Variants in PPCS observed in about 807,000 individuals in gnomAD.
PPCS encodes the protein phosphopantothenoylcysteine synthetase.
Under a neutral mutation model 24.6 loss-of-function variants are expected in PPCS, and 17 were observed. The observed-to-expected ratio is 0.69, with a 90% CI of 0.47 to 1.04. PPCS has a LOEUF of 1.04. Ranked by LOEUF, PPCS falls within the 50% of genes least tolerant of loss-of-function variation. The probability of loss-of-function intolerance (pLI) is 0.00; values close to 1 mark genes in which losing one functional copy is unlikely to be tolerated. For missense variants in PPCS, 360 were observed against 402.8 expected (o/e 0.89, Z 0.91); for synonymous variants, 190 against 168.3 (o/e 1.13, Z -1.00).
chr1:42,459,835 A>G lies in PPCS; in HGVS notation c.845A>G (p.Glu282Gly). 2 of 1,614,198 alleles carry G rather than the reference A, an allele frequency of 1.2e-6. No individual in the cohort carries two copies. The highest frequency in any genetic ancestry group is 1.7e-6 in the Non-Finnish European group (2 of 1,180,032). The change falls in exon 3 of 3, where the codon GAG (glutamate) becomes GGG (glycine). Residue 282 changes from glutamate (E) to glycine (G), a missense_variant. Glu to Gly is a moderately conservative substitution (Grantham distance 98). This residue lies in a region of PPCS where 116 missense variants were observed against 168.1 expected (regional missense o/e 0.69). Transcript: ENST00000372561. ...KDSETKLLLS[E>G]EEIEKGVEIE... The stretch of plus-strand genomic sequence containing the variant: ...TCGGAAACCAAGTTATTGCTATCAG[A>G]GGAAGAAATAGAAAAAGGCGTAGAG...
At chr1:42,463,345 A>C (rs1264993667), downstream of PPCS, 2 of 152,178 alleles carry the variant, frequency 1.3e-5, no homozygotes, top group African/African-American at 4.8e-5. Flanking sequence ...GTAGGGGCCG[A>C]GCGACCCCGG....
chr1:42,467,298 C>T (rs1247590709), intron 2 of PPCS, among the ~76,000 whole-genome samples: 1 of 152,154 alleles, frequency 6.6e-6, no homozygotes, highest in African/African-American at 2.4e-5. Context: ...TGGATGAGGG[C>T]CAGCCTGGCA....
At position 42,456,954 on chromosome 1, in the gene PPCS, A is replaced by C. The variant is rs542795662; in HGVS notation, c.389A>C (p.Glu130Ala). The change falls in exon 1 of 3, where the codon GAG becomes GCG. Residue 130 changes from glutamate to alanine, a missense_variant. Physicochemically the swap from Glu to Ala is moderately radical, Grantham distance 107. This residue lies in a region of PPCS where 244 missense variants were observed against 234.7 expected (regional missense o/e 1.04). Transcript: ENST00000372561. ...GAGAATGCACTTCCGGGTTTTGCTG[A>C]GGCTCTGAGGAGCTACCAGGAGGCT... ...AEENALPGFA[E>A]ALRSYQEAAA... is the part of the protein sequence containing the mutation. 19 of 1,605,216 alleles carry C rather than the reference A, an allele frequency of 1.2e-5. No homozygotes were observed. Among genetic ancestry groups the C allele is most frequent in the East Asian group, 6.7e-5 (3 of 44,870 alleles).
In PPCS at chr1:42,456,543, A is replaced by G. The variant is rs1643187255; in HGVS notation, c.-23A>G. ...GGCGCGGCGGCCGCGAAACGTGCGC[A>G]GGCGCCGGCCGCTGCGCTGCAGATG... is the stretch of plus-strand genomic sequence containing the variant. On this transcript the variant is annotated 5_prime_UTR_variant, in exon 1 of 3. Transcript: ENST00000372561. 2 of 1,448,224 alleles carry G rather than the reference A, an allele frequency of 1.4e-6. No homozygotes were observed. The highest frequency in any genetic ancestry group is 1.8e-6 in the Non-Finnish European group (2 of 1,102,928). The allele number at this position is 1,448,224 out of a possible 1,614,324, so 89.7% of individuals were successfully genotyped here.
intron 2 of PPCS, among the ~76,000 whole-genome samples, chr1:42,469,607 A>G (rs1643699712): frequency 6.6e-6 from 1 of 152,118 alleles, no homozygotes; most frequent in Non-Finnish European, 1.5e-5. Flanking sequence ...AGAAAAGAAA[A>G]TGCTTCCCTA....
Position 42,456,737 on chromosome 1 carries a change from G to C in PPCS, c.172G>C (p.Asp58His), listed in dbSNP as rs775680235. 3.1e-6 allele frequency: 5 copies of C among 1,610,874 alleles called. No individual in the cohort carries two copies. In the Admixed American group the frequency reaches 5.0e-5, roughly 16 times the overall value. The change falls in exon 1 of 3, where the codon GAC becomes CAC. Residue 58 changes from aspartate to histidine, a missense_variant. By Grantham distance (81) the Asp-to-His change is moderately conservative. Coordinates refer to ENST00000372561, the MANE Select transcript of PPCS (RefSeq NM_024664.4). ...PLEARPVRFL[D>H]NFSSGRRGAT... is the part of the protein sequence containing the mutation. ...GGAAGCGCGGCCGGTGCGCTTCCTG[G>C]ACAACTTCAGCAGCGGGCGGCGCGG... is the stretch of plus-strand genomic sequence containing the variant.
rs1287302804 is a variant in PPCS, at chr1:42,457,078, G to A, written c.508+5G>A. On this transcript the variant is annotated splice_donor_5th_base_variant and intron_variant, in intron 1 of 2. Transcript: ENST00000372561. ...CCCAGGCACTCAATCCGCTAGGTGC[G>A]TGCCCTAGGAGTACCCCTTTTGCCT... The A allele has an allele frequency of 3.1e-6, 5 of 1,590,546 alleles. No homozygotes were observed. Among genetic ancestry groups the A allele is most frequent in the Non-Finnish European group, 4.3e-6 (5 of 1,172,754 alleles).
intron 2 of PPCS, chr1:42,459,228 A>G (rs1327253536): frequency 5.5e-6 from 1 of 180,272 alleles, no homozygotes; most frequent in Non-Finnish European, 1.2e-5. Flanking sequence ...AGTGGCATGA[A>G]CACAGCTCAC....
intron 2 of PPCS, among the ~76,000 whole-genome samples, chr1:42,468,055 C>A (rs915237152): frequency 6.6e-6 from 1 of 152,154 alleles, no homozygotes; most frequent in Admixed American, 6.5e-5. Context: ...AGTTCTGTAT[C>A]CAATTCCTGT....
intron 2 of PPCS, among the ~76,000 whole-genome samples, chr1:42,467,424 T>C (rs976462534): frequency 6.6e-6 from 1 of 152,182 alleles, no homozygotes; most frequent in Non-Finnish European, 1.5e-5. Context: ...ATGAAAGAAG[T>C]ACTGCAAATT....
At chr1:42,465,358 T>G (rs1016993812), downstream of PPCS, among the ~76,000 whole-genome samples, 2 of 150,384 alleles carry the variant, frequency 1.3e-5, no homozygotes, top group African/African-American at 5.0e-5. Flanking sequence ...TTTGTTTTTG[T>G]TTTTGTTTTG....
downstream of PPCS, among the ~76,000 whole-genome samples, chr1:42,462,229 A>AGT (rs150466234): frequency 4.6e-5 from 7 of 151,646 alleles, no homozygotes; most frequent in Non-Finnish European, 7.4e-5. Context: ...GGTGGGGGAG[A>AGT]GTGTGTGTGT....
At chr1:42,458,365 A>G (rs1194159881) in intron 2 of PPCS, among the ~76,000 whole-genome samples, 3 of 152,206 alleles carry the variant, frequency 2.0e-5, no homozygotes, top group Non-Finnish European at 2.9e-5. Context: ...TGGAACCTTC[A>G]GGAGTTCTTA....
chr1:42,465,863 G>A (rs11799356), downstream of PPCS, among the ~76,000 whole-genome samples: 59,068 of 152,046 alleles, frequency 0.39, 11,974 homozygotes, highest in East Asian at 0.59. Flanking sequence ...AGTAGTGCCA[G>A]GGTTGAGAAA....
intron 2 of PPCS, among the ~76,000 whole-genome samples, chr1:42,471,858 CAAG>C (rs1326285921): frequency 1.3e-5 from 2 of 150,240 alleles, no homozygotes; most frequent in Admixed American, 6.7e-5. Context: ...ACTTAGCAAT[CAAG>C]GAGAAAAATA....
chr1:42,467,552 G>T (rs1489031622), intron 2 of PPCS, among the ~76,000 whole-genome samples: 1 of 152,162 alleles, frequency 6.6e-6, no homozygotes, highest in Non-Finnish European at 1.5e-5. Flanking sequence ...TAGAGAAGGA[G>T]GAGGGAAAGA....
At chr1:42,467,592 C>T (rs992536012) in intron 2 of PPCS, among the ~76,000 whole-genome samples, 14 of 152,180 alleles carry the variant, frequency 9.2e-5, no homozygotes, top group Non-Finnish European at 1.8e-4. Flanking sequence ...GAGTTGTTCA[C>T]TAGAAAACTG....
intron 2 of PPCS, chr1:42,468,600 C>A (rs1643666168): frequency 6.6e-6 from 1 of 152,234 alleles, no homozygotes; most frequent in Admixed American, 6.5e-5. Context: ...CAGTCTCTGC[C>A]ACACTCACCT....
At chr1:42,465,292 C>T (rs1001959498), downstream of PPCS, among the ~76,000 whole-genome samples, 1 of 152,182 alleles carries the variant, frequency 6.6e-6, no homozygotes, top group Non-Finnish European at 1.5e-5. Context: ...ACCTGGGCTA[C>T]AGAGTGAGAC....
Sources: allele counts gnomAD v4.1 joint callset (sites outside exome capture counted in the v4.1 genomes callset), GRCh38; gene constraint gnomAD v4.1.1; regional missense constraint gnomAD v4.1.1; transcripts MANE v1.5; gene names NCBI Gene and HGNC (gene_info 2026-07-23, HGNC 2026-07-21).